ARID1B: variants seen among roughly 807,000 people sequenced by gnomAD.
ARID1B encodes the protein AT-rich interactive domain-containing protein 1B.
A neutral mutation model predicts 212.3 loss-of-function variants in ARID1B; 30 were observed. The observed-to-expected ratio is 0.14, with a 90% CI of 0.11 to 0.19. The LOEUF (loss-of-function observed/expected upper bound fraction) is 0.19. ARID1B is among the 10% of genes least tolerant of loss of function. The pLI, the probability that ARID1B is intolerant of heterozygous loss-of-function variation, is 1.00. For missense variants in ARID1B, 2,891 were observed against 3,204.0 expected (o/e 0.90, Z 2.36); for synonymous variants, 1,402 against 1,301.7 (o/e 1.08, Z -1.66).
intron 8 of ARID1B, among the ~76,000 whole-genome samples, chr6:157,154,039 T>G (rs888898162): frequency 2.0e-5 from 3 of 152,236 alleles, no homozygotes; most frequent in Non-Finnish European, 4.4e-5. Context: ...CCATGTGTCT[T>G]ACGTCCTTTT....
chr6:157,012,866 G>A (rs1183202796), intron 4 of ARID1B, among the ~76,000 whole-genome samples: 1 of 151,758 alleles, frequency 6.6e-6, no homozygotes, highest in Non-Finnish European at 1.5e-5. Flanking sequence ...AGTATGGCAT[G>A]AGGTTTTGTT....
Position 157,039,616 on chromosome 6 carries a change from A to ACCTTCCTT in ARID1B, c.2248-45024_2248-45017dup, listed in dbSNP as rs1368853614. Among the ~76,000 whole-genome samples the ACCTTCCTT allele has an allele frequency of 3.4e-3, 413 of 123,138 alleles. 4 individuals are homozygous for ACCTTCCTT. The highest frequency in any genetic ancestry group is 0.012 in the African/African-American group (373 of 30,394). 80.8% of individuals were successfully genotyped at this position (123,138 alleles called of 152,430 possible). A position where few individuals can be genotyped will look rare whatever the true frequency, so the allele number is the denominator to read the frequency against. On this transcript the variant is annotated intron_variant, in intron 4 of 19. Coordinates refer to ENST00000636930, the MANE Select transcript of ARID1B (RefSeq NM_001374828.1). The stretch of plus-strand genomic sequence containing the variant: ...TATTTTTGAATTCCAAAAGCTACCT[A>ACCTTCCTT]CCTTCCTTCCTTCCTTCCTTCCTTC...
intron 7 of ARID1B, among the ~76,000 whole-genome samples, chr6:157,139,622 C>A (rs1269799141): frequency 3.3e-5 from 5 of 151,904 alleles, no homozygotes; most frequent in African/African-American, 1.2e-4. Flanking sequence ...CGGTTCTTAC[C>A]ATAGAGACTT....
chr6:156,829,003 C>T (rs1169305388), intron 1 of ARID1B, among the ~76,000 whole-genome samples: 2 of 152,276 alleles, frequency 1.3e-5, no homozygotes, highest in African/African-American at 4.8e-5. Context: ...TAGTCTAGAG[C>T]TCTCTTAGTT....
chr6:157,146,852 T>C lies in ARID1B; in HGVS notation c.2762-1772T>C, dbSNP rs187139351. Among the ~76,000 whole-genome samples, 246 of 152,320 alleles carry C rather than the reference T, an allele frequency of 1.6e-3. 4 individuals carry two copies. Among genetic ancestry groups the C allele is most frequent in the Non-Finnish European group, 1.8e-3 (123 of 68,016 alleles). On this transcript the variant is annotated intron_variant, in intron 7 of 19. Coordinates refer to ENST00000636930, the MANE Select transcript of ARID1B (RefSeq NM_001374828.1). Reference sequence around the variant, plus strand: ...ATCCATATTCCACACACACTTGTCTTTCGCATTTATGTAATTTCAACATTC... The same window carrying C: ...ATCCATATTCCACACACACTTGTCTCTCGCATTTATGTAATTTCAACATTC...
At chr6:156,846,259 ATTC>A (rs1562430877) in intron 2 of ARID1B, among the ~76,000 whole-genome samples, 1 of 151,714 alleles carries the variant, frequency 6.6e-6, no homozygotes, top group Non-Finnish European at 1.5e-5. Flanking sequence ...GGTTCAAGTG[ATTC>A]TTCTGCCTCA....
intron 2 of ARID1B, among the ~76,000 whole-genome samples, chr6:156,848,078 A>G (rs747905816): frequency 6.6e-6 from 1 of 152,230 alleles, no homozygotes; most frequent in African/African-American, 2.4e-5. Flanking sequence ...TAAGGCAGAA[A>G]ATATAACTAA....
intron 8 of ARID1B, among the ~76,000 whole-genome samples, chr6:157,154,568 G>GGTT (rs1554226931): frequency 1.0e-4 from 12 of 118,508 alleles, no homozygotes; most frequent in African/African-American, 3.7e-4. Flanking sequence ...CTGCTCTTCT[G>GGTT]TTTTTTTTTT....
intron 3 of ARID1B, among the ~76,000 whole-genome samples, chr6:156,904,188 C>A (rs1789174993): frequency 1.3e-5 from 2 of 152,064 alleles, no homozygotes; most frequent in African/African-American, 2.4e-5. Context: ...TTTATTTTTA[C>A]CCTATTTTTA....
At chr6:157,191,378 G>A (rs1583483552) in intron 15 of ARID1B, among the ~76,000 whole-genome samples, 1 of 152,140 alleles carries the variant, frequency 6.6e-6, no homozygotes, top group African/African-American at 2.4e-5. Context: ...GGGCTAGAGA[G>A]GGGAACCTGG....
intron 4 of ARID1B, among the ~76,000 whole-genome samples, chr6:157,029,337 G>A (rs1780880963): frequency 6.6e-6 from 1 of 152,182 alleles, no homozygotes; most frequent in Non-Finnish European, 1.5e-5. Context: ...ATAATGAGCT[G>A]TGTCAAATTT....
At chr6:157,110,248 G>A (rs867518938) in intron 5 of ARID1B, among the ~76,000 whole-genome samples, 5 of 152,250 alleles carry the variant, frequency 3.3e-5, no homozygotes, top group Middle Eastern at 3.4e-3. Flanking sequence ...AACTCATTCA[G>A]TAACAACTTT....
rs1480938920 is a variant in ARID1B, at chr6:157,170,847, G to T, written c.3236-3161G>T. 2.6e-5 allele frequency among the ~76,000 whole-genome samples: 4 copies of T among 152,340 alleles called. No individual in the cohort carries two copies. In the South Asian group the frequency reaches 8.3e-4, roughly 32 times the overall value. The stretch of plus-strand genomic sequence containing the variant: ...GTCTCCCGAGCCGTTCTTAGATCCT[G>T]TGTGTGTTACCTTCACAGTGGACTT... On this transcript the variant is annotated intron_variant, in intron 9 of 19. Coordinates refer to ENST00000636930, the MANE Select transcript of ARID1B (RefSeq NM_001374828.1).
At chr6:156,911,415 G>T (rs1374872258) in intron 3 of ARID1B, among the ~76,000 whole-genome samples, 2 of 143,578 alleles carry the variant, frequency 1.4e-5, no homozygotes, top group African/African-American at 5.2e-5. Context: ...TGTCGGCTGT[G>T]GCATGGTGAT....
intron 4 of ARID1B, among the ~76,000 whole-genome samples, chr6:156,958,273 G>A (rs1008176249): frequency 6.6e-6 from 1 of 152,114 alleles, no homozygotes; most frequent in African/African-American, 2.4e-5. Context: ...GTTTATCTCT[G>A]TTCCCCCTAC....
In ARID1B at chr6:156,788,039, G is replaced by C. The variant is rs544050550; in HGVS notation, c.1791+8568G>C. The stretch of plus-strand genomic sequence containing the variant: ...CTACCTGCCTTCCCATGTGGGGCTT[G>C]TTTTCTCATTCTCTGCCTGGTCCTG... On this transcript the variant is annotated intron_variant, in intron 1 of 19. Transcript: ENST00000636930. Among the ~76,000 whole-genome samples the C allele has an allele frequency of 6.8e-4, 103 of 152,234 alleles. 1 individual carries two copies. In the South Asian group the frequency reaches 0.018, roughly 27 times the overall value.
intron 2 of ARID1B, among the ~76,000 whole-genome samples, chr6:156,883,472 A>G (rs1787260663): frequency 1.3e-5 from 2 of 152,130 alleles, no homozygotes; most frequent in Non-Finnish European, 2.9e-5. Flanking sequence ...AAAATAAGTC[A>G]TAGCCCTTCC....
intron 4 of ARID1B, among the ~76,000 whole-genome samples, chr6:157,009,131 T>C (rs530206321): frequency 5.9e-5 from 9 of 152,296 alleles, no homozygotes; most frequent in Admixed American, 3.3e-4. Context: ...GTTACTGAAC[T>C]GAAGCAGCCA....
intron 2 of ARID1B, among the ~76,000 whole-genome samples, chr6:156,868,893 A>G (rs780426780): frequency 7.9e-5 from 12 of 151,848 alleles, no homozygotes; most frequent in Non-Finnish European, 1.3e-4. Context: ...TGTTTTGCTA[A>G]TGTGAAAGAA....
Sources: gnomAD v4.1 joint callset for allele counts (sites outside exome capture counted in the v4.1 genomes callset) on GRCh38, gnomAD v4.1.1 for gene constraint, MANE v1.5 for transcripts, NCBI Gene and HGNC (gene_info 2026-07-23, HGNC 2026-07-21) for gene names.